ACYP2: variants seen among roughly 807,000 people sequenced by gnomAD.
ACYP2 encodes the protein acylphosphatase-2.
In ACYP2, 12 loss-of-function variants were observed where a neutral mutation model predicts 11.2. The ratio of observed to expected loss-of-function variants is 1.08; its 90% CI spans 0.69 to 1.74. The LOEUF is 1.74. ACYP2 is among the 40% of genes most tolerant of loss of function. The pLI, the probability that ACYP2 is intolerant of heterozygous loss-of-function variation, is 0.00. For missense variants in ACYP2, 134 were observed against 101.9 expected, an observed-to-expected ratio of 1.31 and a Z score of -1.35; for synonymous variants, 43 against 32.2, an observed-to-expected ratio of 1.33 and a Z score of -1.13.
At chr2:54,109,327 G>A (rs563237942) in intron 4 of ACYP2, among the ~76,000 whole-genome samples, 4 of 151,902 alleles carry the variant, frequency 2.6e-5, no homozygotes, top group African/African-American at 7.3e-5. Flanking sequence ...ACTAAATATC[G>A]TATGTTCTCA....
rs72908795 is a variant in ACYP2, at chr2:54,276,589, C to T, written c.405-28099C>T. ...GACTTTGATCATGAAAACCACATTTCATCTTTTTCTTTGGGTTCAGATTGT... is the reference window on the plus strand; with the variant it reads ...GACTTTGATCATGAAAACCACATTTTATCTTTTTCTTTGGGTTCAGATTGT... On this transcript the variant is annotated intron_variant, in intron 6 of 6. Coordinates refer to ENST00000607452, the MANE Select transcript of ACYP2 (RefSeq NM_001320586.2). Among the ~76,000 whole-genome samples the T allele has an allele frequency of 2.1e-3, 312 of 146,950 alleles. 1 individual carries two copies. The highest frequency in any genetic ancestry group is 7.5e-3 in the African/African-American group (299 of 39,622).
intron 4 of ACYP2, among the ~76,000 whole-genome samples, chr2:54,112,635 G>A (rs1419032888): frequency 6.6e-6 from 1 of 152,124 alleles, no homozygotes; most frequent in Non-Finnish European, 1.5e-5. Flanking sequence ...TCCACCTAAT[G>A]TGATTTATTA....
intron 6 of ACYP2, among the ~76,000 whole-genome samples, chr2:54,301,084 A>C (rs1309137101): frequency 6.6e-6 from 1 of 152,200 alleles, no homozygotes; most frequent in East Asian, 1.9e-4. Flanking sequence ...CCATACGTAT[A>C]TTAATTTTCA....
intron 2 of ACYP2, among the ~76,000 whole-genome samples, chr2:54,027,120 A>G (rs1169798952): frequency 1.3e-5 from 2 of 152,154 alleles, no homozygotes; most frequent in Non-Finnish European, 2.9e-5. Context: ...AGTTTCCTCT[A>G]TTATTAACAT....
intron 2 of ACYP2, among the ~76,000 whole-genome samples, chr2:53,996,267 G>C (rs1672569540): frequency 6.6e-6 from 1 of 152,156 alleles, no homozygotes; most frequent in Admixed American, 6.6e-5. Flanking sequence ...GGGTCCTTCA[G>C]GAAGCAGACA....
At chr2:54,094,448 C>T (rs987875778) in intron 4 of ACYP2, among the ~76,000 whole-genome samples, 12 of 151,876 alleles carry the variant, frequency 7.9e-5, no homozygotes, top group Non-Finnish European at 1.0e-4. Flanking sequence ...AGGCTGGTCT[C>T]GAACTCCTGA....
At chr2:54,255,458 G>A in intron 6 of ACYP2, 2 of 1,613,922 alleles carry the variant, frequency 1.2e-6, no homozygotes, top group South Asian at 2.2e-5. Context: ...TCATGAATCT[G>A]CCCAAACCTG....
chr2:54,032,808 G>C (rs549875345), intron 2 of ACYP2, among the ~76,000 whole-genome samples: 43 of 152,180 alleles, frequency 2.8e-4, no homozygotes, highest in Admixed American at 2.6e-3. Flanking sequence ...ACCACTGTTC[G>C]ATGAAATAAA....
At chr2:54,225,020 G>A (rs188779771) in intron 6 of ACYP2, among the ~76,000 whole-genome samples, 1 of 152,332 alleles carries the variant, frequency 6.6e-6, no homozygotes, top group Admixed American at 6.5e-5. Context: ...GCAGTTGCAA[G>A]ATAAGGAAAG....
intron 6 of ACYP2, among the ~76,000 whole-genome samples, chr2:54,276,573 C>G (rs1187900780): frequency 1.3e-5 from 2 of 148,614 alleles, no homozygotes; most frequent in East Asian, 4.0e-4. Flanking sequence ...TGACTTTGAT[C>G]ATGAAAACCA....
intron 6 of ACYP2, among the ~76,000 whole-genome samples, chr2:54,258,436 C>A (rs999115881): frequency 6.6e-6 from 1 of 152,180 alleles, no homozygotes; most frequent in Non-Finnish European, 1.5e-5. Context: ...GCCAGCGTGA[C>A]TGGAGCACAG....
intron 6 of ACYP2, among the ~76,000 whole-genome samples, chr2:54,153,612 T>C (rs1030194396): frequency 6.6e-6 from 1 of 151,078 alleles, no homozygotes; most frequent in Admixed American, 6.6e-5. Flanking sequence ...TTTTCTTTTT[T>C]TTTTTGAGAC....
intron 6 of ACYP2, among the ~76,000 whole-genome samples, chr2:54,276,040 T>G (rs957094345): frequency 3.9e-5 from 6 of 152,208 alleles, no homozygotes; most frequent in Non-Finnish European, 8.8e-5. Flanking sequence ...TTATCCTTTC[T>G]ATCCTTGTTA....
intron 2 of ACYP2, among the ~76,000 whole-genome samples, chr2:53,994,359 A>C (rs1477705269): frequency 2.0e-5 from 3 of 150,458 alleles, no homozygotes; most frequent in Admixed American, 2.0e-4. Flanking sequence ...AAAACGAAAA[A>C]AAACAAAATA....
At position 53,989,592 on chromosome 2, in the gene ACYP2, G is replaced by A. The variant is rs116473686; in HGVS notation, c.62+15782G>A. Among the ~76,000 whole-genome samples, 427 of 152,282 alleles carry A rather than the reference G, an allele frequency of 2.8e-3. 3 individuals carry two copies. The highest frequency in any genetic ancestry group is 9.6e-3 in the African/African-American group (400 of 41,562). On this transcript the variant is annotated intron_variant, in intron 2 of 6. Transcript: ENST00000607452. ...CCCATTATCTAGGTCTTGGTGGGAA[G>A]TAGGCTCTGACCTCTAACTTTAGAA...
At chr2:54,104,172 C>T (rs934453755) in intron 4 of ACYP2, among the ~76,000 whole-genome samples, 1 of 152,182 alleles carries the variant, frequency 6.6e-6, no homozygotes, top group African/African-American at 2.4e-5. Context: ...AATTAGGATT[C>T]TGATGGGAGA....
chr2:54,010,998 C>T (rs1409413082), intron 2 of ACYP2, among the ~76,000 whole-genome samples: 2 of 151,862 alleles, frequency 1.3e-5, no homozygotes, highest in Non-Finnish European at 2.9e-5. Context: ...GCACATGCCT[C>T]CTTTATTCAC....
At chr2:54,296,636 C>A (rs1372083932) in intron 6 of ACYP2, among the ~76,000 whole-genome samples, 1 of 152,152 alleles carries the variant, frequency 6.6e-6, no homozygotes, top group African/African-American at 2.4e-5. Context: ...ATAATGAAAT[C>A]TCCTCTTATA....
In ACYP2 at chr2:54,257,138, C is replaced by T. The variant is rs368316033; in HGVS notation, c.405-47550C>T. Reference sequence around the variant, plus strand: ...CCTGTAATCCTAGCACTTTGAGAGGCGGAGACGGGAGGATCAGTTGAGCCT... The same window carrying T: ...CCTGTAATCCTAGCACTTTGAGAGGTGGAGACGGGAGGATCAGTTGAGCCT... On this transcript the variant is annotated intron_variant, in intron 6 of 6. Transcript: ENST00000607452. Among the ~76,000 whole-genome samples the T allele has an allele frequency of 3.5e-4, 53 of 152,060 alleles. 1 individual carries two copies. The Middle Eastern group carries it at 0.01, about 29-fold the overall frequency.
Sources: allele counts gnomAD v4.1 joint callset (sites outside exome capture counted in the v4.1 genomes callset), GRCh38; gene constraint gnomAD v4.1.1; transcripts MANE v1.5; gene names NCBI Gene and HGNC (gene_info 2026-07-23, HGNC 2026-07-21).